Variants in DPYD observed in about 807,000 individuals in gnomAD.
DPYD encodes dihydropyrimidine dehydrogenase.
In DPYD, 109 loss-of-function variants were observed where a neutral mutation model predicts 116.2. The ratio of observed to expected loss-of-function variants is 0.94; its 90% CI spans 0.80 to 1.10. The LOEUF is 1.10. Among genes scored for constraint, DPYD ranks in the 50% least tolerant of loss-of-function variants. The probability of loss-of-function intolerance (pLI) is 0.00; values close to 1 mark genes in which losing one functional copy is unlikely to be tolerated. For missense variants in DPYD, 1,302 were observed against 1,254.5 expected, an observed-to-expected ratio of 1.04 and a Z score of -0.57; for synonymous variants, 440 against 432.0, an observed-to-expected ratio of 1.02 and a Z score of -0.23.
At chr1:97,268,534 G>A (rs1040026258) in intron 18 of DPYD, among the ~76,000 whole-genome samples, 10 of 152,068 alleles carry the variant, frequency 6.6e-5, no homozygotes, top group African/African-American at 2.2e-4. Context: ...CAGAGCTCCT[G>A]TATTCTATAT....
intron 13 of DPYD, among the ~76,000 whole-genome samples, chr1:97,455,379 CT>C (rs1448388775): frequency 6.6e-6 from 1 of 151,850 alleles, no homozygotes; most frequent in Non-Finnish European, 1.5e-5. Context: ...CAAGATTCTG[CT>C]GTAAATATTT....
chr1:97,724,486 G>C (rs1244077675), intron 4 of DPYD, among the ~76,000 whole-genome samples: 1 of 151,522 alleles, frequency 6.6e-6, no homozygotes, highest in African/African-American at 2.4e-5. Flanking sequence ...GTCTCAGTTG[G>C]AAGGCCTGAG....
intron 13 of DPYD, among the ~76,000 whole-genome samples, chr1:97,457,006 T>C (rs1020685421): frequency 6.6e-6 from 1 of 152,022 alleles, no homozygotes; most frequent in Non-Finnish European, 1.5e-5. Context: ...TTGAAGACTG[T>C]CAACACAACA....
In DPYD at chr1:97,549,541, A is replaced by G. The variant is rs776801468; in HGVS notation, c.1524+19T>C. ...ATCCATTGGAAAAGAATTAAGTGGA[A>G]ATGATGGCAAATGCCTACCTGTACG... On this transcript the variant is annotated intron_variant, in intron 12 of 22. Transcript: ENST00000370192. 3.1e-6 allele frequency: 5 copies of G among 1,613,338 alleles called. No homozygotes were observed. In the African/African-American group the frequency reaches 6.7e-5, roughly 22 times the overall value.
chr1:97,232,990 G>A (rs1661676552), intron 19 of DPYD, among the ~76,000 whole-genome samples: 1 of 152,052 alleles, frequency 6.6e-6, no homozygotes. Flanking sequence ...GACAATTTTG[G>A]TATAATATTA....
At chr1:97,560,920 G>A (rs762329387) in intron 11 of DPYD, among the ~76,000 whole-genome samples, 1 of 152,048 alleles carries the variant, frequency 6.6e-6, no homozygotes, top group African/African-American at 2.4e-5. Context: ...TCCAAGAAGC[G>A]GGAACAGTGG....
intron 20 of DPYD, among the ~76,000 whole-genome samples, chr1:97,178,998 CAA>C (rs1657471070): frequency 6.6e-6 from 1 of 152,028 alleles, no homozygotes; most frequent in Non-Finnish European, 1.5e-5. Context: ...CGCTTCCAGC[CAA>C]AAGAGTCATA....
intron 3 of DPYD, among the ~76,000 whole-genome samples, chr1:97,761,059 A>G (rs1220099940): frequency 1.3e-5 from 2 of 152,156 alleles, no homozygotes; most frequent in East Asian, 3.9e-4. Flanking sequence ...TTCCATAGAT[A>G]AAACATCAAC....
chr1:97,644,740 G>A (rs1465427484), intron 8 of DPYD, among the ~76,000 whole-genome samples: 2 of 151,674 alleles, frequency 1.3e-5, no homozygotes, highest in East Asian at 1.9e-4. Context: ...TTACAGGCAT[G>A]AGCCACCGCA....
At chr1:97,783,286 T>A (rs1430661992) in intron 3 of DPYD, among the ~76,000 whole-genome samples, 1 of 152,124 alleles carries the variant, frequency 6.6e-6, no homozygotes, top group African/African-American at 2.4e-5. Context: ...CCACAGAAAA[T>A]CAGATGTGCT....
At chr1:97,305,128 A>G (rs1667079965) in intron 18 of DPYD, 131 bp downstream of exon 18, 1 of 1,299,272 alleles carries the variant, frequency 7.7e-7, no homozygotes, top group Non-Finnish European at 1.1e-6. Context: ...TGTCATAACT[A>G]TTAGGAATAT....
intron 20 of DPYD, among the ~76,000 whole-genome samples, chr1:97,109,521 G>A (rs1027580152): frequency 1.3e-5 from 2 of 152,064 alleles, no homozygotes; most frequent in Non-Finnish European, 2.9e-5. Flanking sequence ...GAAAAATGAG[G>A]TGATGAGGAA....
chr1:97,779,797 G>A (rs775343616), intron 3 of DPYD, among the ~76,000 whole-genome samples: 10 of 151,616 alleles, frequency 6.6e-5, no homozygotes, highest in Non-Finnish European at 1.2e-4. Context: ...TTTACTTTAT[G>A]TAACAACTTG....
rs542318314 is a variant in DPYD, at chr1:97,592,801, G to A, written c.1128+417C>T. On this transcript the variant is annotated intron_variant, in intron 10 of 22. Coordinates refer to ENST00000370192, the MANE Select transcript of DPYD (RefSeq NM_000110.4). Reference sequence around the variant, plus strand: ...ATGAACTGACTGAAAGTATGACCAAGGTATACATCTTAGAATGCAGTCTGT... The same window carrying A: ...ATGAACTGACTGAAAGTATGACCAAAGTATACATCTTAGAATGCAGTCTGT... Among the ~76,000 whole-genome samples, 4 of 152,096 alleles carry A rather than the reference G, an allele frequency of 2.6e-5. No individual in the cohort carries two copies. In the East Asian group the frequency reaches 5.8e-4, roughly 22 times the overall value.
chr1:97,256,365 A>T (rs978137927), intron 18 of DPYD, among the ~76,000 whole-genome samples: 4 of 151,380 alleles, frequency 2.6e-5, no homozygotes, highest in African/African-American at 7.3e-5. Context: ...CTCAAATTTC[A>T]TCTTGAATTG....
At chr1:97,218,789 C>A (rs1162934593) in intron 19 of DPYD, among the ~76,000 whole-genome samples, 1 of 151,926 alleles carries the variant, frequency 6.6e-6, no homozygotes, top group Non-Finnish European at 1.5e-5. Context: ...AAGATAACAT[C>A]AGAGGGTCTA....
chr1:97,900,238 A>C (rs983529740), intron 1 of DPYD, among the ~76,000 whole-genome samples: 1 of 151,892 alleles, frequency 6.6e-6, no homozygotes, highest in South Asian at 2.1e-4. Context: ...ACCTGTTGAC[A>C]ACAAAAAGGT....
intron 3 of DPYD, among the ~76,000 whole-genome samples, chr1:97,809,485 T>C (rs963590960): frequency 2.0e-5 from 3 of 152,180 alleles, no homozygotes; most frequent in Admixed American, 6.5e-5. Flanking sequence ...TGTCAGTCTT[T>C]TAATATTTTG....
At chr1:97,868,888 AACATGATTT>A (rs1671525792) in intron 2 of DPYD, among the ~76,000 whole-genome samples, 2 of 151,966 alleles carry the variant, frequency 1.3e-5, no homozygotes, top group Admixed American at 1.3e-4. Flanking sequence ...CTATATCTCA[AACATGATTT>A]ACATAGTTTA....
Sources: gnomAD v4.1 joint callset for allele counts (sites outside exome capture counted in the v4.1 genomes callset) on GRCh38, gnomAD v4.1.1 for gene constraint, MANE v1.5 for transcripts, NCBI Gene and HGNC (gene_info 2026-07-23, HGNC 2026-07-21) for gene names.